Variants in CSMD1 observed in about 807,000 individuals in gnomAD.
CSMD1 encodes the protein CUB and Sushi multiple domains 1, also known as CUB and sushi domain-containing protein 1.
A neutral mutation model predicts 417.5 loss-of-function variants in CSMD1; 213 were observed. That is an observed-to-expected ratio of 0.51 (90% CI 0.46 to 0.57). The LOEUF (loss-of-function observed/expected upper bound fraction) is 0.57. Ranked by LOEUF, CSMD1 falls within the 20% of genes least tolerant of loss-of-function variation. The probability of loss-of-function intolerance (pLI) is 0.00; values close to 1 mark genes in which losing one functional copy is unlikely to be tolerated. For synonymous variants in CSMD1, 2,862 were observed against 1,736.8 expected (o/e 1.65, Z -16.11); for missense variants, 6,923 against 4,529.7 (o/e 1.53, Z -15.17).
chr8:4,982,866 G>T (rs577305385), intron 1 of CSMD1, among the ~76,000 whole-genome samples: 117 of 152,262 alleles, frequency 7.7e-4, no homozygotes, highest in African/African-American at 2.8e-3. Context: ...AGCAAAGAAT[G>T]CAGGAAAGGT....
At chr8:3,612,458 T>G (rs1420956320) in intron 8 of CSMD1, among the ~76,000 whole-genome samples, 1 of 152,134 alleles carries the variant, frequency 6.6e-6, no homozygotes, top group African/African-American at 2.4e-5. Flanking sequence ...CAACTTGATC[T>G]AACTGACATT....
At chr8:3,402,182 G>C (rs1428735939) in intron 15 of CSMD1, among the ~76,000 whole-genome samples, 3 of 152,064 alleles carry the variant, frequency 2.0e-5, no homozygotes, top group South Asian at 2.1e-4. Context: ...ACAACACTAA[G>C]GTTCTCTAGA....
intron 9 of CSMD1, among the ~76,000 whole-genome samples, chr8:3,577,839 C>A (rs1448796102): frequency 6.6e-6 from 1 of 152,206 alleles, no homozygotes; most frequent in Non-Finnish European, 1.5e-5. Flanking sequence ...TGCCTCCTTG[C>A]ATCTAGGGTT....
chr8:4,244,514 G>C (rs141601869), intron 3 of CSMD1, among the ~76,000 whole-genome samples: 1 of 151,934 alleles, frequency 6.6e-6, no homozygotes. Flanking sequence ...AAGAGTGTTA[G>C]CAAGTCAAAT....
chr8:3,314,094 G>C (rs1262312908), intron 23 of CSMD1, among the ~76,000 whole-genome samples: 1 of 151,886 alleles, frequency 6.6e-6, no homozygotes, highest in East Asian at 1.9e-4. Flanking sequence ...CACAGGAAGG[G>C]GAACATCACA....
intron 5 of CSMD1, among the ~76,000 whole-genome samples, chr8:3,904,804 T>C (rs1353569992): frequency 6.6e-6 from 1 of 151,928 alleles, no homozygotes; most frequent in Admixed American, 6.6e-5. Flanking sequence ...GCCCAGGTAA[T>C]TTTTGTATTT....
intron 5 of CSMD1, among the ~76,000 whole-genome samples, chr8:3,928,406 G>T (rs981465811): frequency 3.9e-5 from 6 of 152,176 alleles, no homozygotes; most frequent in African/African-American, 1.4e-4. Flanking sequence ...TGAAATATCA[G>T]CACAAGCAAT....
At chr8:3,643,588 C>T (rs1797417684) in intron 7 of CSMD1, among the ~76,000 whole-genome samples, 1 of 151,488 alleles carries the variant, frequency 6.6e-6, no homozygotes, top group African/African-American at 2.4e-5. Flanking sequence ...GTAGTCCCAA[C>T]TACCCGGGCG....
At chr8:3,804,329 C>G (rs1297307453) in intron 5 of CSMD1, among the ~76,000 whole-genome samples, 7 of 152,062 alleles carry the variant, frequency 4.6e-5, no homozygotes, top group Non-Finnish European at 2.9e-5. Flanking sequence ...AGTTGAAACT[C>G]TAATGCGTCT....
At chr8:4,333,762 G>A (rs1051923627) in intron 3 of CSMD1, among the ~76,000 whole-genome samples, 4 of 152,246 alleles carry the variant, frequency 2.6e-5, no homozygotes, top group East Asian at 1.9e-4. Context: ...CCTGCCACGG[G>A]TAGGTAGCCT....
chr8:4,493,754 T>G (rs1197339663), intron 2 of CSMD1, among the ~76,000 whole-genome samples: 2 of 152,090 alleles, frequency 1.3e-5, no homozygotes, highest in Non-Finnish European at 2.9e-5. Context: ...TAAAAATAAT[T>G]TAAATAGAAT....
Position 4,058,229 on chromosome 8 carries a change from C to T in CSMD1, c.416-26130G>A, listed in dbSNP as rs549069923. ...TTTCATTGAGCAGTGGTTTGTAGTTCTCCTTGAAGAGGTCCTTCACATCCC... is the reference window on the plus strand; with the variant it reads ...TTTCATTGAGCAGTGGTTTGTAGTTTTCCTTGAAGAGGTCCTTCACATCCC... On this transcript the variant is annotated intron_variant, in intron 3 of 69. Transcript: ENST00000635120. Among the ~76,000 whole-genome samples the T allele has an allele frequency of 3.6e-3, 548 of 152,162 alleles. 4 individuals carry two copies. The highest frequency in any genetic ancestry group is 6.3e-3 in the Non-Finnish European group (426 of 68,004).
intron 50 of CSMD1, among the ~76,000 whole-genome samples, chr8:3,049,634 C>T (rs904478881): frequency 2.0e-5 from 3 of 151,906 alleles, no homozygotes; most frequent in Non-Finnish European, 2.9e-5. Flanking sequence ...ACAAAAGTCA[C>T]TTTAGGCGTG....
At chr8:3,134,609 A>G (rs1817977225) in intron 41 of CSMD1, among the ~76,000 whole-genome samples, 1 of 152,176 alleles carries the variant, frequency 6.6e-6, no homozygotes, top group African/African-American at 2.4e-5. Context: ...TTCTTTTTAA[A>G]CTGACTTCAT....
chr8:4,895,512 T>G (rs1326482519), intron 1 of CSMD1, among the ~76,000 whole-genome samples: 1 of 152,156 alleles, frequency 6.6e-6, no homozygotes, highest in Non-Finnish European at 1.5e-5. Flanking sequence ...TTCACAGTCT[T>G]TTTATACAAA....
At chr8:4,159,182 C>G (rs145599955) in intron 3 of CSMD1, among the ~76,000 whole-genome samples, 3 of 152,274 alleles carry the variant, frequency 2.0e-5, no homozygotes, top group African/African-American at 7.2e-5. Flanking sequence ...TCCCAAAGTG[C>G]TGGGATTACA....
intron 60 of CSMD1, among the ~76,000 whole-genome samples, chr8:2,962,965 T>A (rs1803630000): frequency 6.6e-6 from 1 of 152,082 alleles, no homozygotes; most frequent in African/African-American, 2.4e-5. Context: ...GGAGGATGGT[T>A]TGAGCCCGAG....
chr8:4,440,834 G>A (rs528488776), intron 2 of CSMD1, among the ~76,000 whole-genome samples: 1 of 151,596 alleles, frequency 6.6e-6, no homozygotes, highest in Non-Finnish European at 1.5e-5. Flanking sequence ...CCTCTCTACT[G>A]AAAATACAAA....
chr8:4,750,095 T>C (rs886295701), intron 1 of CSMD1, among the ~76,000 whole-genome samples: 1 of 152,240 alleles, frequency 6.6e-6, no homozygotes, highest in African/African-American at 2.4e-5. Context: ...AAGCTCCGCC[T>C]CCCGGGTTCA....
Sources: allele counts gnomAD v4.1 joint callset (sites outside exome capture counted in the v4.1 genomes callset), GRCh38; gene constraint gnomAD v4.1.1; transcripts MANE v1.5; gene names NCBI Gene and HGNC (gene_info 2026-07-23, HGNC 2026-07-21).